Variants in ZNF197 observed in about 807,000 individuals in gnomAD.
ZNF197 encodes VHL-associated KRAB-A domain-containing protein.
Under a neutral mutation model 27.4 loss-of-function variants are expected in ZNF197, and 14 were observed. The ratio of observed to expected loss-of-function variants is 0.51; its 90% CI spans 0.34 to 0.80. The LOEUF is 0.80. ZNF197 is among the 30% of genes least tolerant of loss of function. The probability of loss-of-function intolerance (pLI) is 0.02; values close to 1 mark genes in which losing one functional copy is unlikely to be tolerated. For missense variants in ZNF197, 1,090 were observed against 1,222.6 expected, an observed-to-expected ratio of 0.89 and a Z score of 1.62; for synonymous variants, 415 against 420.0, an observed-to-expected ratio of 0.99 and a Z score of 0.15.
Position 44,640,593 on chromosome 3 carries a change from G to T in ZNF197, c.770-1307G>T, listed in dbSNP as rs1403687846. On this transcript the variant is annotated intron_variant, in intron 5 of 5. Coordinates refer to ENST00000344387, the MANE Select transcript of ZNF197 (RefSeq NM_006991.5). The surrounding 1 kb of genome is among the most constrained non-coding windows in gnomAD (Gnocchi z 4.0). ...GGGTTTCACCATGTTGGCCAGGCTG[G>T]TCTCAAAGTCCTGACCTCAAGTGAT... is the stretch of plus-strand genomic sequence containing the variant. 2.6e-5 allele frequency among the ~76,000 whole-genome samples: 4 copies of T among 152,146 alleles called. No homozygotes were observed. The highest frequency in any genetic ancestry group is 4.8e-5 in the African/African-American group (2 of 41,440).
rs201331498 is a variant in ZNF197, at chr3:44,629,325, G to T, written c.171G>T (p.Gln57His). Residue 57 changes from glutamine (Q) to histidine (H), a missense_variant, in exon 2 of 6, where the codon CAG becomes CAT. By Grantham distance (24) the Gln-to-His change is conservative. Coordinates refer to ENST00000344387, the MANE Select transcript of ZNF197 (RefSeq NM_006991.5). ...GTTACCATGAGACATCTGGACCCCA[G>T]GAAGCCCTGAGCCGGCTCAGGGAAC... ...QLRYHETSGP[Q>H]EALSRLRELC... is the part of the protein sequence containing the mutation. 144 of 1,614,056 alleles carry T rather than the reference G, an allele frequency of 8.9e-5. No homozygotes were observed. In the Admixed American group the frequency reaches 2.4e-3, roughly 27 times the overall value.
chr3:44,633,193 A>C (rs907961822), intron 5 of ZNF197, among the ~76,000 whole-genome samples: 9 of 152,132 alleles, frequency 5.9e-5, no homozygotes, highest in Non-Finnish European at 1.3e-4. Context: ...CACAATTCTA[A>C]ATTGTTGCTA....
Sources: gnomAD v4.1 joint callset for allele counts (sites outside exome capture counted in the v4.1 genomes callset) on GRCh38, gnomAD v4.1.1 for gene constraint, Gnocchi (gnomAD v3.1) non-coding constraint, MANE v1.5 for transcripts, NCBI Gene and HGNC (gene_info 2026-07-23, HGNC 2026-07-21) for gene names.